The following RUNX1 variants were observed in gnomAD, a reference collection of about 807,000 sequenced individuals.
RUNX1 encodes the protein RUNX family transcription factor 1.
RUNX1 carries 19 observed loss-of-function variants against 42.8 expected under a neutral mutation model. The observed-to-expected ratio is 0.44, with a 90% CI of 0.31 to 0.65. The LOEUF is 0.65. RUNX1 is among the 30% of genes least tolerant of loss of function. RUNX1 has a pLI of 0.07. For missense variants in RUNX1, 528 were observed against 672.0 expected (o/e 0.79, Z 2.37); for synonymous variants, 271 against 289.4 (o/e 0.94, Z 0.64).
At chr21:34,890,155 G>C (rs1441476398) in intron 3 of RUNX1, among the ~76,000 whole-genome samples, 4 of 151,848 alleles carry the variant, frequency 2.6e-5, no homozygotes, top group Admixed American at 2.6e-4. Flanking sequence ...TTTCCCGGGC[G>C]GGCCCGGACT....
chr21:35,038,549 A>G (rs1290841697), intron 2 of RUNX1: 1 of 450,232 alleles, frequency 2.2e-6, no homozygotes. Flanking sequence ...GGATTCCCTA[A>G]GCATGGGAAT....
intron 2 of RUNX1, among the ~76,000 whole-genome samples, chr21:34,968,741 G>A (rs1417475126): frequency 6.6e-6 from 1 of 152,034 alleles, no homozygotes; most frequent in African/African-American, 2.4e-5. Flanking sequence ...GTGAGCAGGT[G>A]GTCTGATCTG....
intron 4 of RUNX1, among the ~76,000 whole-genome samples, chr21:34,885,134 G>A (rs2146393461): frequency 6.6e-6 from 1 of 152,288 alleles, no homozygotes; most frequent in Middle Eastern, 3.4e-3. Flanking sequence ...TTCCCTGGCA[G>A]AGGAGGGAGT....
intron 7 of RUNX1, among the ~76,000 whole-genome samples, chr21:34,813,935 C>T (rs962037770): frequency 2.6e-4 from 40 of 152,000 alleles, no homozygotes; most frequent in African/African-American, 8.5e-4. Flanking sequence ...AGGGACAGAC[C>T]TTCTGGCTCT....
chr21:35,007,699 CTCTCCTACCTCT>C (rs1207895890), intron 2 of RUNX1, among the ~76,000 whole-genome samples: 1 of 152,038 alleles, frequency 6.6e-6, no homozygotes, highest in African/African-American at 2.4e-5. Flanking sequence ...TTGGTGGCCT[CTCTCCTACCTCT>C]TCTCCACTCT....
At chr21:34,921,838 T>C (rs2058356559) in intron 2 of RUNX1, among the ~76,000 whole-genome samples, 1 of 152,110 alleles carries the variant, frequency 6.6e-6, no homozygotes, top group Non-Finnish European at 1.5e-5. Context: ...TTCACTATAT[T>C]GGCCAGGCTG....
intron 2 of RUNX1, among the ~76,000 whole-genome samples, chr21:35,027,262 G>A (rs1003027255): frequency 6.6e-6 from 1 of 152,216 alleles, no homozygotes; most frequent in South Asian, 2.1e-4. Context: ...CTTGGAGGCG[G>A]GAGATTTAGG....
chr21:34,997,276 T>C (rs1262601521), intron 2 of RUNX1, among the ~76,000 whole-genome samples: 1 of 152,242 alleles, frequency 6.6e-6, no homozygotes, highest in African/African-American at 2.4e-5. Context: ...TGATCAATAC[T>C]GAGTCTTAAT....
At chr21:35,038,572 C>CCTCTCTCTCTCTCTCTCTCTCTCT (rs59976658) in intron 2 of RUNX1, 1 of 243,246 alleles carries the variant, frequency 4.1e-6, no homozygotes, top group Non-Finnish European at 8.0e-6. Context: ...TGAATGCTGG[C>CCTCTCTCTCTCTCTCTCTCTCTCT]CTCTCTCTCT....
intron 2 of RUNX1, among the ~76,000 whole-genome samples, chr21:34,960,232 C>A (rs1446921816): frequency 6.6e-6 from 1 of 152,162 alleles, no homozygotes; most frequent in East Asian, 1.9e-4. Flanking sequence ...TCCATGACTA[C>A]AGAAATGTCC....
At chr21:35,024,605 G>A (rs1202119494) in intron 2 of RUNX1, among the ~76,000 whole-genome samples, 1 of 152,144 alleles carries the variant, frequency 6.6e-6, no homozygotes, top group African/African-American at 2.4e-5. Flanking sequence ...AGAAAGTGAG[G>A]ATCAGTTATA....
At chr21:34,889,849 C>G in intron 3 of RUNX1, 1 of 1,094,584 alleles carries the variant, frequency 9.1e-7, no homozygotes, top group South Asian at 3.3e-5. Flanking sequence ...ATGAGTCCCT[C>G]CACGCCCTCC....
At chr21:35,002,488 C>T (rs990235617) in intron 2 of RUNX1, among the ~76,000 whole-genome samples, 2 of 151,634 alleles carry the variant, frequency 1.3e-5, no homozygotes, top group Non-Finnish European at 2.9e-5. Flanking sequence ...AGTGCATTGG[C>T]GTGATCTTGG....
intron 3 of RUNX1, among the ~76,000 whole-genome samples, chr21:34,890,676 A>G (rs193077352): frequency 6.6e-5 from 10 of 152,320 alleles, no homozygotes; most frequent in African/African-American, 2.2e-4. Flanking sequence ...AAAACTTACT[A>G]CATTTTTCTT....
chr21:34,879,971 C>T (rs1343017591), intron 5 of RUNX1, among the ~76,000 whole-genome samples: 1 of 152,102 alleles, frequency 6.6e-6, no homozygotes, highest in Admixed American at 6.6e-5. Flanking sequence ...AACCCCTCCT[C>T]CTAAATAAGG....
chr21:35,048,558 A>G (rs776311828), intron 2 of RUNX1, among the ~76,000 whole-genome samples: 3 of 152,250 alleles, frequency 2.0e-5, no homozygotes, highest in African/African-American at 4.8e-5. Context: ...GCCTTTAAAC[A>G]AGACCAGCAC....
intron 6 of RUNX1, among the ~76,000 whole-genome samples, chr21:34,847,724 C>A (rs548683589): frequency 6.6e-6 from 1 of 152,082 alleles, no homozygotes; most frequent in African/African-American, 2.4e-5. Context: ...TTTGATAAAA[C>A]CTTTAATTGG....
intron 2 of RUNX1, among the ~76,000 whole-genome samples, chr21:34,997,332 C>A (rs1437904510): frequency 6.6e-6 from 1 of 152,018 alleles, no homozygotes; most frequent in Non-Finnish European, 1.5e-5. Flanking sequence ...GCCTCAAATT[C>A]ACAATAAAAA....
intron 5 of RUNX1, among the ~76,000 whole-genome samples, chr21:34,859,898 G>C (rs2057547219): frequency 6.6e-6 from 1 of 152,176 alleles, no homozygotes; most frequent in Non-Finnish European, 1.5e-5. Flanking sequence ...TCCACTTCTG[G>C]TTCCCAACTT....
Sources: allele counts gnomAD v4.1 joint callset (sites outside exome capture counted in the v4.1 genomes callset), GRCh38; gene constraint gnomAD v4.1.1; transcripts MANE v1.5; gene names NCBI Gene and HGNC (gene_info 2026-07-23, HGNC 2026-07-21).